EPHB4: variants seen among roughly 807,000 people sequenced by gnomAD.
EPHB4 encodes the protein EPH receptor B4.
In EPHB4, 50 loss-of-function variants were observed where a neutral mutation model predicts 110.6. The observed-to-expected ratio is 0.45, with a 90% CI of 0.36 to 0.57. The LOEUF (loss-of-function observed/expected upper bound fraction) is 0.57. Among genes scored for constraint, EPHB4 ranks in the 20% least tolerant of loss-of-function variants. The pLI is 0.00. For missense variants in EPHB4, 1,128 were observed against 1,382.1 expected (o/e 0.82, Z 2.91); for synonymous variants, 592 against 578.4 (o/e 1.02, Z -0.34).
At position 100,818,029 on chromosome 7, in the gene EPHB4, G is replaced by C. The variant is rs572272329; in HGVS notation, c.1422+491C>G. Among the ~76,000 whole-genome samples, 362 of 151,422 alleles carry C rather than the reference G, an allele frequency of 2.4e-3. 2 individuals carry two copies. The highest frequency in any genetic ancestry group is 8.3e-3 in the African/African-American group (344 of 41,292). On this transcript the variant is annotated intron_variant, in intron 7 of 16. Coordinates refer to ENST00000358173, the MANE Select transcript of EPHB4 (RefSeq NM_004444.5). Reference sequence around the variant, plus strand: ...CTACAGGCGCCTGCCACCGCGCCTGGCTAATTTTTTGTATTTTTAGTAGAG... The same window carrying C: ...CTACAGGCGCCTGCCACCGCGCCTGCCTAATTTTTTGTATTTTTAGTAGAG...
chr7:100,807,703 G>T, intron 12 of EPHB4, 123 bp from the exon 13 acceptor site: 1 of 950,898 alleles, frequency 1.1e-6, no homozygotes, highest in Non-Finnish European at 1.5e-6. Flanking sequence ...GTGCAGTGGT[G>T]CCATCATAGC....
chr7:100,820,470 A>C, intron 4 of EPHB4, 174 bp from the exon 5 acceptor site: 1 of 606,106 alleles, frequency 1.6e-6, no homozygotes, highest in Non-Finnish European at 2.5e-6. Flanking sequence ...ATCTCCAAAA[A>C]AAAAAAAAAA....
chr7:100,820,394 G>A (rs1434043675), intron 4 of EPHB4, 98 bp from the exon 5 acceptor site: 3 of 1,441,650 alleles, frequency 2.1e-6, no homozygotes, highest in Non-Finnish European at 2.8e-6. Context: ...ACTTTGGGAG[G>A]CTGAGGCTGG....
Position 100,812,936 on chromosome 7 carries a change from A to C in EPHB4, c.1929T>G (p.Cys643Trp), listed in dbSNP as rs1812971997. ...CACCCTTCAGGGTCTTGATTGCCACACAGCTCTCCTTCTTCCCTGGGGCCT... is the reference window on the plus strand; with the variant it reads ...CACCCTTCAGGGTCTTGATTGCCACCCAGCTCTCCTTCTTCCCTGGGGCCT... ...RLKAPGKKES[C>W]VAIKTLKGGY... The change falls in exon 12 of 17, where the codon TGT becomes TGG. Residue 643 changes from cysteine (C) to tryptophan (W), a missense_variant. Cys to Trp is a radical substitution (Grantham distance 215, BLOSUM62 -2). Coordinates refer to ENST00000358173, the MANE Select transcript of EPHB4 (RefSeq NM_004444.5). The C allele has an allele frequency of 1.2e-6, 2 of 1,614,074 alleles. No individual in the cohort carries two copies. The highest frequency in any genetic ancestry group is 1.7e-5 in the Admixed American group (1 of 60,006).
chr7:100,811,016 G>A (rs542989520), intron 12 of EPHB4, among the ~76,000 whole-genome samples: 5 of 151,996 alleles, frequency 3.3e-5, no homozygotes, highest in South Asian at 4.2e-4. Flanking sequence ...TTGAGGGGCC[G>A]AGATGGGTGG....
Position 100,806,570 on chromosome 7 carries a change from C to T in EPHB4, c.2335-1G>A, listed in dbSNP as rs1163662776. ...TCCATCGGATGGGAATCTTTCCTCCCTGCAGAAAAAGGAGAAAAGGTGAGC... is the reference window on the plus strand; with the variant it reads ...TCCATCGGATGGGAATCTTTCCTCCTTGCAGAAAAAGGAGAAAAGGTGAGC... On this transcript the variant is annotated splice_acceptor_variant, in intron 13 of 16. Coordinates refer to ENST00000358173, the MANE Select transcript of EPHB4 (RefSeq NM_004444.5). LOFTEE classifies it high-confidence loss of function. 1.2e-6 allele frequency: 2 copies of T among 1,612,326 alleles called. No homozygotes were observed. Among genetic ancestry groups the T allele is most frequent in the East Asian group, 2.2e-5 (1 of 44,844 alleles).
intron 12 of EPHB4, among the ~76,000 whole-genome samples, chr7:100,808,473 C>T (rs911134864): frequency 1.3e-5 from 2 of 152,146 alleles, no homozygotes; most frequent in African/African-American, 2.4e-5. Context: ...GCAATCTTCC[C>T]ACCTTGGCCT....
rs1812727949 is a variant in EPHB4, at chr7:100,802,925, G to C, written c.*536C>G. 6.6e-6 allele frequency: 1 copy of C among 152,280 alleles called. No individual in the cohort carries two copies. Among genetic ancestry groups the C allele is most frequent in the Non-Finnish European group, 1.5e-5 (1 of 68,084 alleles). 9.4% of individuals were successfully genotyped at this position (152,280 alleles called of 1,614,324 possible). ...AAAAGGGAACGGGGAGAAAAATTAA[G>C]ACCAAAAACAAAACTCAAAAACCTT... On this transcript the variant is annotated 3_prime_UTR_variant, in exon 17 of 17. Transcript: ENST00000358173.
chr7:100,806,822 C>T (rs1270436124), intron 13 of EPHB4, among the ~76,000 whole-genome samples: 2 of 152,120 alleles, frequency 1.3e-5, no homozygotes, highest in Non-Finnish European at 2.9e-5. Flanking sequence ...AGGCGTGTAC[C>T]ACCACCCTCA....
chr7:100,818,618 C>T lies in EPHB4; in HGVS notation c.1324G>A (p.Val442Met), dbSNP rs1288552548. The T allele has an allele frequency of 1.9e-6, 3 of 1,612,400 alleles. No homozygotes were observed. The highest frequency in any genetic ancestry group is 1.1e-5 in the South Asian group (1 of 91,066). ...AAGCTGCTGGGTGAGGACCGCGTCACCCGGATGTCAGACACTGCAGGAGGT... is the reference window on the plus strand; with the variant it reads ...AAGCTGCTGGGTGAGGACCGCGTCATCCGGATGTCAGACACTGCAGGAGGT... ...EVPPAVSDIR[V>M]TRSSPSSLSL... The change falls in exon 7 of 17, where the codon GTG (valine) becomes ATG (methionine). Residue 442 changes from valine to methionine, a missense_variant. Around this residue, in one of 3 missense-constraint regions of EPHB4, gnomAD observed 728 missense variants for 828.6 expected, o/e 0.88. Coordinates refer to ENST00000358173, the MANE Select transcript of EPHB4 (RefSeq NM_004444.5).
intron 12 of EPHB4, among the ~76,000 whole-genome samples, chr7:100,809,703 G>A (rs568202509): frequency 6.6e-6 from 1 of 151,202 alleles, no homozygotes; most frequent in Non-Finnish European, 1.5e-5. Flanking sequence ...GTGTAGAGAC[G>A]GGGTTTCACC....
At chr7:100,824,427 G>T (rs1363332041) in intron 1 of EPHB4, 154 bp from the exon 2 acceptor site, 7 of 736,730 alleles carry the variant, frequency 9.5e-6, no homozygotes, top group Non-Finnish European at 1.6e-5. Flanking sequence ...CTCTGCACCC[G>T]CCTGATTTCT....
In EPHB4 at chr7:100,803,284, A is replaced by G. The variant is rs1027198096; in HGVS notation, c.*177T>C. 7 of 761,120 alleles carry G rather than the reference A, an allele frequency of 9.2e-6. No individual in the cohort carries two copies. The highest frequency in any genetic ancestry group is 5.3e-5 in the African/African-American group (3 of 56,420). The allele number at this position is 761,120 out of a possible 1,614,324, so 47.1% of individuals were successfully genotyped here. ...AGTTCCCCGAGGTGGCTGGGGGGTG[A>G]TTTTCCCCTCCTATTATGGCAGAAC... is the stretch of plus-strand genomic sequence containing the variant. On this transcript the variant is annotated 3_prime_UTR_variant, in exon 17 of 17. Coordinates refer to ENST00000358173, the MANE Select transcript of EPHB4 (RefSeq NM_004444.5).
chr7:100,816,159 C>T (rs1233678610), intron 8 of EPHB4, among the ~76,000 whole-genome samples: 2 of 149,042 alleles, frequency 1.3e-5, no homozygotes, highest in African/African-American at 5.0e-5. Context: ...GAGTGAGACT[C>T]CGTCTCAAAA....
At chr7:100,807,333 A>G in intron 13 of EPHB4, 32 bp downstream of exon 13, 1 of 1,607,628 alleles carries the variant, frequency 6.2e-7, no homozygotes, top group Non-Finnish European at 8.5e-7. Context: ...TGGCCCTAAG[A>G]AGCTCACACC....
At chr7:100,825,070 G>A (rs1440440534) in intron 1 of EPHB4, 2 of 151,774 alleles carry the variant, frequency 1.3e-5, no homozygotes, top group Non-Finnish European at 1.5e-5. Context: ...GAGTGGAGGA[G>A]GGAGGGTACA....
At chr7:100,816,669 C>G (rs1011340065) in intron 8 of EPHB4, among the ~76,000 whole-genome samples, 1 of 152,110 alleles carries the variant, frequency 6.6e-6, no homozygotes, top group East Asian at 1.9e-4. Context: ...GCGCTCCAGC[C>G]TGGGGGTACA....
chr7:100,824,399 A>C (rs895899452), intron 1 of EPHB4, 126 bp from the exon 2 acceptor site: 39 of 994,046 alleles, frequency 3.9e-5, no homozygotes, highest in Admixed American at 9.8e-5. Flanking sequence ...GGGGGCCAAG[A>C]GGGGAGCAAG....
chr7:100,813,550 A>C (rs1812996803), intron 10 of EPHB4, 102 bp downstream of exon 10: 5 of 1,286,074 alleles, frequency 3.9e-6, no homozygotes, highest in Non-Finnish European at 5.5e-6. Context: ...TCCTGACCTC[A>C]AGTGATCTGC....
Sources: allele counts gnomAD v4.1 joint callset (sites outside exome capture counted in the v4.1 genomes callset), GRCh38; gene constraint gnomAD v4.1.1; regional missense constraint gnomAD v4.1.1; transcripts MANE v1.5; gene names NCBI Gene and HGNC (gene_info 2026-07-23, HGNC 2026-07-21).